Variants in ARHGEF18 observed in about 807,000 individuals in gnomAD.
The protein encoded by ARHGEF18 is rho guanine nucleotide exchange factor 18.
A neutral mutation model predicts 155.7 loss-of-function variants in ARHGEF18; 93 were observed. The observed-to-expected ratio is 0.60, with a 90% CI of 0.50 to 0.71. ARHGEF18 has a LOEUF of 0.71. ARHGEF18 is among the 30% of genes least tolerant of loss of function. ARHGEF18 has a pLI of 0.00. For missense variants in ARHGEF18, 1,593 were observed against 1,816.1 expected, an observed-to-expected ratio of 0.88 and a Z score of 2.23; for synonymous variants, 742 against 753.1, an observed-to-expected ratio of 0.99 and a Z score of 0.24.
At chr19:7,373,841 C>A (rs1415282603) in intron 3 of ARHGEF18, among the ~76,000 whole-genome samples, 2 of 141,502 alleles carry the variant, frequency 1.4e-5, no homozygotes, top group East Asian at 4.2e-4. Flanking sequence ...GTTCCCGCTC[C>A]TATGAGAATT....
chr19:7,418,903 G>A (rs780580236), intron 10 of ARHGEF18, among the ~76,000 whole-genome samples: 2 of 151,848 alleles, frequency 1.3e-5, no homozygotes, highest in African/African-American at 4.8e-5. Context: ...TCCACCTGGC[G>A]CCTGTTCAGT....
rs746048095 is a variant in ARHGEF18, at chr19:7,469,950, G to A, written c.3834G>A (p.Gly1278=). ...AGCTGCTGCTCAACAAGCTCATGGG[G>A]AAAGATGAGAGCACCTCACGGAACC... The part of the protein sequence containing the change: ...KQQLLLNKLM[G]KDESTSRNRR... Residue 1278 remains glycine, a synonymous_variant, in exon 28 of 29, where the codon GGG becomes GGA. Coordinates refer to ENST00000668164, the MANE Select transcript of ARHGEF18 (RefSeq NM_001367823.1). The A allele has an allele frequency of 2.5e-6, 4 of 1,612,984 alleles. No homozygotes were observed. Among genetic ancestry groups the A allele is most frequent in the South Asian group, 2.2e-5 (2 of 91,084 alleles).
At chr19:7,413,294 C>CTTTTTTTTTTTTTTTTTTTTTT (rs71179106) in intron 10 of ARHGEF18, among the ~76,000 whole-genome samples, 1 of 138,290 alleles carries the variant, frequency 7.2e-6, no homozygotes, top group Non-Finnish European at 1.6e-5. Context: ...AAACAAAAAG[C>CTTTTTTTTTTTTTTTTTTTTTT]TTTTTTTTTT....
At chr19:7,437,356 A>AG (rs1974325310) in intron 10 of ARHGEF18, among the ~76,000 whole-genome samples, 1 of 150,600 alleles carries the variant, frequency 6.6e-6, no homozygotes, top group South Asian at 2.1e-4. Context: ...TGGGAGGCAG[A>AG]GGTTGCGGTG....
At chr19:7,460,821 G>A (rs958082274) in intron 20 of ARHGEF18, among the ~76,000 whole-genome samples, 46 of 149,858 alleles carry the variant, frequency 3.1e-4, no homozygotes, top group African/African-American at 1.1e-3. Context: ...ACAGAGCCTC[G>A]CTCTGTCACC....
chr19:7,473,627 A>C (rs561445579), downstream of ARHGEF18, among the ~76,000 whole-genome samples: 24 of 152,026 alleles, frequency 1.6e-4, no homozygotes, highest in South Asian at 6.3e-4. Flanking sequence ...CTGGCTAACA[A>C]GGTGAAACCC....
chr19:7,474,379 TTTTA>T (rs1356496301), downstream of ARHGEF18, among the ~76,000 whole-genome samples: 1 of 151,874 alleles, frequency 6.6e-6, no homozygotes, highest in Non-Finnish European at 1.5e-5. Flanking sequence ...TTTATTACAT[TTTTA>T]TTTATTTTTT....
intron 6 of ARHGEF18, among the ~76,000 whole-genome samples, chr19:7,378,681 T>C (rs1395982517): frequency 7.8e-6 from 1 of 128,082 alleles, no homozygotes; most frequent in Admixed American, 8.2e-5. Context: ...GAGACAATTG[T>C]GGCTTTTTTT....
intron 10 of ARHGEF18, among the ~76,000 whole-genome samples, chr19:7,430,232 G>A (rs1415198413): frequency 6.6e-6 from 1 of 151,866 alleles, no homozygotes. Flanking sequence ...AATGAAGGCC[G>A]GCTCTGTCAC....
At chr19:7,425,083 T>C (rs563911569) in intron 10 of ARHGEF18, among the ~76,000 whole-genome samples, 5 of 152,260 alleles carry the variant, frequency 3.3e-5, no homozygotes, top group East Asian at 1.9e-4. Context: ...CCGAGAGCCA[T>C]TTCTTATCAG....
downstream of ARHGEF18, among the ~76,000 whole-genome samples, chr19:7,476,584 G>A (rs1022610498): frequency 6.6e-6 from 1 of 152,244 alleles, no homozygotes. Flanking sequence ...GCTCACAGTG[G>A]CCCTGCGTCG....
chr19:7,369,034 T>C (rs1392612334), intron 2 of ARHGEF18, among the ~76,000 whole-genome samples: 1 of 152,108 alleles, frequency 6.6e-6, no homozygotes, highest in Non-Finnish European at 1.5e-5. Flanking sequence ...CCTTAGGAAG[T>C]TAAACCTAAA....
At chr19:7,363,652 G>A (rs929313635) in intron 2 of ARHGEF18, among the ~76,000 whole-genome samples, 9 of 151,874 alleles carry the variant, frequency 5.9e-5, no homozygotes, top group African/African-American at 1.7e-4. Flanking sequence ...AATGAAGGAA[G>A]GATGGATGGA....
chr19:7,470,597 AC>A lies in ARHGEF18; in HGVS notation c.*303del, dbSNP rs1000786061. The A allele has an allele frequency of 5.1e-6, 2 of 394,922 alleles. No individual in the cohort carries two copies. The highest frequency in any genetic ancestry group is 4.2e-5 in the African/African-American group (2 of 47,696). The allele number at this position is 394,922 out of a possible 1,614,324, so 24.5% of individuals were successfully genotyped here. A position where few individuals can be genotyped will look rare whatever the true frequency, so the allele number is the denominator to read the frequency against. ...CCAGGGAGCTGTCTGAAATCATAGC[AC>A]CCCATCCGGGTGGCGGGGAGATCAA... On this transcript the variant is annotated 3_prime_UTR_variant, in exon 29 of 29. Coordinates refer to ENST00000668164, the MANE Select transcript of ARHGEF18 (RefSeq NM_001367823.1). The surrounding 1 kb of genome is among the most constrained non-coding windows in gnomAD (Gnocchi z 5.9).
At chr19:7,407,254 C>T (rs1375002937) in intron 10 of ARHGEF18, among the ~76,000 whole-genome samples, 3 of 143,626 alleles carry the variant, frequency 2.1e-5, no homozygotes, top group East Asian at 2.2e-4. Context: ...GTGAAAACCC[C>T]GTCTCTACTA....
In ARHGEF18 at chr19:7,469,079, T is replaced by C. The variant is rs1435982543; in HGVS notation, c.3735T>C (p.Gly1245=). The part of the protein sequence containing the change: ...IPTKLAASTK[G]GKDKGGKSRG... ...CCAAGCTGGCGGCCTCCACCAAGGG[T>C]GGCAAGGACAAGGGCGGCAAGAGCA... Residue 1245 remains glycine, a synonymous_variant, in exon 27 of 29, where the codon GGT becomes GGC. Transcript: ENST00000668164. 4.4e-6 allele frequency: 7 copies of C among 1,608,136 alleles called. No homozygotes were observed. Among genetic ancestry groups the C allele is most frequent in the South Asian group, 2.2e-5 (2 of 90,328 alleles).
intron 2 of ARHGEF18, among the ~76,000 whole-genome samples, chr19:7,367,889 ATATATTTTT>A (rs1969996606): frequency 1.7e-5 from 1 of 60,224 alleles, no homozygotes; most frequent in Admixed American, 2.1e-4. Flanking sequence ...TATATTTTAT[ATATATTTTT>A]TATATATATA....
rs916602285 is a variant in ARHGEF18, at chr19:7,383,113, C to T, written c.877C>T (p.Arg293Trp). The stretch of plus-strand genomic sequence containing the variant: ...CAAGGGCCAGGATGCACGAGAGAGG[C>T]GGGAGTGTGTCAATGGGCACCAGCT... ...KDKGQDARER[R>W]ECVNGHQLLQ... The change falls in exon 10 of 29, where the codon CGG becomes TGG. Residue 293 changes from arginine to tryptophan, a missense_variant. By Grantham distance (101) the Arg-to-Trp change is moderately radical. Coordinates refer to ENST00000668164, the MANE Select transcript of ARHGEF18 (RefSeq NM_001367823.1). 19 of 1,232,140 alleles carry T rather than the reference C, an allele frequency of 1.5e-5. No homozygotes were observed. The highest frequency in any genetic ancestry group is 6.3e-5 in the East Asian group (2 of 31,714). 76.3% of individuals were successfully genotyped at this position (1,232,140 alleles called of 1,614,324 possible).
intron 13 of ARHGEF18, among the ~76,000 whole-genome samples, chr19:7,442,624 C>T (rs1329065734): frequency 6.6e-6 from 1 of 152,246 alleles, no homozygotes; most frequent in Admixed American, 6.5e-5. Context: ...TATAATACGT[C>T]CCTGTGAACA....
Sources: gnomAD v4.1 joint callset for allele counts (sites outside exome capture counted in the v4.1 genomes callset) on GRCh38, gnomAD v4.1.1 for gene constraint, Gnocchi (gnomAD v3.1) non-coding constraint, MANE v1.5 for transcripts, NCBI Gene and HGNC (gene_info 2026-07-23, HGNC 2026-07-21) for gene names.